Variants in DHRSX observed in about 807,000 individuals in gnomAD.
DHRSX encodes the protein polyprenol dehydrogenase.
A neutral mutation model predicts 34.0 loss-of-function variants in DHRSX; 31 were observed. That is an observed-to-expected ratio of 0.91 (90% CI 0.69 to 1.23). The LOEUF (loss-of-function observed/expected upper bound fraction) is 1.23, where lower values mean the gene tolerates loss of function less well. Among genes scored for constraint, DHRSX ranks in the 50% most tolerant of loss-of-function variants. The probability of loss-of-function intolerance (pLI) is 0.00; values close to 1 mark genes in which losing one functional copy is unlikely to be tolerated. For synonymous variants in DHRSX, 201 were observed against 183.8 expected (o/e 1.09, Z -0.76); for missense variants, 414 against 428.1 (o/e 0.97, Z 0.29).
chrX:2,338,489 A>C (rs1412046851), intron 3 of DHRSX, among the ~76,000 whole-genome samples: 2 of 151,760 alleles, frequency 1.3e-5, no homozygotes, highest in African/African-American at 4.8e-5. Context: ...GCTGGATGGG[A>C]GGTCGAATGG....
intron 4 of DHRSX, among the ~76,000 whole-genome samples, chrX:2,276,841 AG>A (rs2041666366): frequency 7.4e-6 from 1 of 135,892 alleles, no homozygotes; most frequent in Non-Finnish European, 1.6e-5. Context: ...GAACAGGGAG[AG>A]AGAGGGAGGG....
At chrX:2,490,251 C>A (rs755447695) in intron 1 of DHRSX, 1 of 1,613,780 alleles carries the variant, frequency 6.2e-7, no homozygotes, top group Non-Finnish European at 8.5e-7. Flanking sequence ...TACCGGGGGT[C>A]GGCCGTCTTC....
intron 3 of DHRSX, among the ~76,000 whole-genome samples, chrX:2,325,364 T>C (rs756802347): frequency 8.7e-5 from 13 of 148,732 alleles, no homozygotes; most frequent in African/African-American, 3.0e-4. Context: ...ACGTTCAAGA[T>C]GGCGGTTCCA....
intron 3 of DHRSX, among the ~76,000 whole-genome samples, chrX:2,294,802 A>G (rs993465986): frequency 9.7e-5 from 12 of 124,174 alleles, no homozygotes; most frequent in Admixed American, 7.8e-4. Context: ...AGGGAGAGAG[A>G]GAGAGGAAAA....
intron 6 of DHRSX, among the ~76,000 whole-genome samples, chrX:2,227,345 G>A (rs35858093): frequency 0.4 from 59,841 of 150,064 alleles, 13,175 homozygotes; most frequent in Middle Eastern, 0.52. Flanking sequence ...AAGAGAAGGA[G>A]AAAGAAAAAG....
chrX:2,230,988 G>A (rs781421161), intron 6 of DHRSX, among the ~76,000 whole-genome samples: 27 of 152,240 alleles, frequency 1.8e-4, no homozygotes, highest in African/African-American at 4.8e-4. Context: ...AAGAAATGCC[G>A]GGCTCCAGGA....
intron 3 of DHRSX, among the ~76,000 whole-genome samples, chrX:2,379,808 G>T (rs2043183859): frequency 6.6e-6 from 1 of 151,750 alleles, no homozygotes; most frequent in African/African-American, 2.4e-5. Flanking sequence ...ATCCACTTGG[G>T]CTCAGTCGTA....
chrX:2,301,188 C>T (rs373542362), intron 3 of DHRSX, among the ~76,000 whole-genome samples: 12 of 152,252 alleles, frequency 7.9e-5, no homozygotes, highest in African/African-American at 2.2e-4. Flanking sequence ...CTGAGGCGGG[C>T]GATCACCTGA....
intron 3 of DHRSX, among the ~76,000 whole-genome samples, chrX:2,402,299 G>A (rs2043496272): frequency 6.6e-6 from 1 of 152,246 alleles, no homozygotes; most frequent in Non-Finnish European, 1.5e-5. Context: ...GCAACTGGAG[G>A]TTGTGGGGAC....
At chrX:2,448,182 T>A (rs2044164253) in intron 1 of DHRSX, among the ~76,000 whole-genome samples, 1 of 149,466 alleles carries the variant, frequency 6.7e-6, no homozygotes, top group Non-Finnish European at 1.5e-5. Context: ...CATAAAAAAT[T>A]TAAAAATTAA....
chrX:2,411,935 T>C (rs1367506616), intron 2 of DHRSX, among the ~76,000 whole-genome samples: 1 of 152,168 alleles, frequency 6.6e-6, no homozygotes, highest in East Asian at 1.9e-4. Flanking sequence ...CCGTCAACGC[T>C]GGCATAGGAC....
intron 3 of DHRSX, among the ~76,000 whole-genome samples, chrX:2,392,202 G>A (rs1476687530): frequency 6.6e-6 from 1 of 152,150 alleles, no homozygotes; most frequent in East Asian, 1.9e-4. Flanking sequence ...GGAGGGTGAC[G>A]CTACCCTCAA....
At chrX:2,342,724 T>C (rs2042656406) in intron 3 of DHRSX, among the ~76,000 whole-genome samples, 1 of 152,168 alleles carries the variant, frequency 6.6e-6, no homozygotes, top group Admixed American at 6.6e-5. Context: ...GCTCATAGCA[T>C]CGACATAACA....
At chrX:2,357,258 A>G (rs781610751) in intron 3 of DHRSX, among the ~76,000 whole-genome samples, 2 of 152,250 alleles carry the variant, frequency 1.3e-5, no homozygotes, top group African/African-American at 4.8e-5. Context: ...AAAGAAAAAA[A>G]AAGTTACACA....
intron 1 of DHRSX, among the ~76,000 whole-genome samples, chrX:2,444,592 A>T (rs2044104065): frequency 6.6e-6 from 1 of 152,194 alleles, no homozygotes; most frequent in South Asian, 2.1e-4. Context: ...GCACTCTGGG[A>T]GGCCCAGGTG....
intron 3 of DHRSX, among the ~76,000 whole-genome samples, chrX:2,296,895 ACCCAGGCAGATAGAC>A (rs1367071337): frequency 2.6e-5 from 1 of 38,320 alleles, no homozygotes; most frequent in Non-Finnish European, 5.6e-5. Flanking sequence ...TAGGAATAGG[ACCCAGGCAGATAGAC>A]CCCAGGCAGA....
At chrX:2,330,093 GGAGGGAGGGA>G (rs2042441550) in intron 3 of DHRSX, among the ~76,000 whole-genome samples, 7 of 10,524 alleles carry the variant, frequency 6.7e-4, no homozygotes, top group Admixed American at 2.5e-3. Context: ...GGGGGGGGGG[GGAGGGAGGGA>G]GAGAGAGAGA....
chrX:2,456,238 T>C (rs138060426), intron 1 of DHRSX, among the ~76,000 whole-genome samples: 2 of 152,212 alleles, frequency 1.3e-5, no homozygotes, highest in African/African-American at 4.8e-5. Flanking sequence ...AGGGACAAAG[T>C]CGACACCACA....
chrX:2,419,582 C>T (rs367872662), intron 2 of DHRSX, among the ~76,000 whole-genome samples: 467 of 152,028 alleles, frequency 3.1e-3, no homozygotes, highest in African/African-American at 0.011. Context: ...TGTCCAACAA[C>T]GATAGACTGG....
Sources: allele counts gnomAD v4.1 joint callset (sites outside exome capture counted in the v4.1 genomes callset), GRCh38; gene constraint gnomAD v4.1.1; transcripts MANE v1.5; gene names NCBI Gene and HGNC (gene_info 2026-07-23, HGNC 2026-07-21).